The following DAB1 variants were observed in gnomAD, a reference collection of about 807,000 sequenced individuals.
DAB1 encodes DAB adaptor protein 1.
Under a neutral mutation model 64.6 loss-of-function variants are expected in DAB1, and 15 were observed. The ratio of observed to expected loss-of-function variants is 0.23; its 90% CI spans 0.16 to 0.36. DAB1 has a LOEUF of 0.36. DAB1 is among the 10% of genes least tolerant of loss of function. DAB1 has a pLI of 1.00. For missense variants in DAB1, 596 were observed against 706.7 expected, an observed-to-expected ratio of 0.84 and a Z score of 1.78; for synonymous variants, 235 against 251.9, an observed-to-expected ratio of 0.93 and a Z score of 0.64.
At chr1:57,169,345 C>T (rs1256876738) in intron 2 of DAB1, among the ~76,000 whole-genome samples, 2 of 152,142 alleles carry the variant, frequency 1.3e-5, no homozygotes, top group Non-Finnish European at 2.9e-5. Context: ...ATTTTGCAAG[C>T]ATCACCTCAT....
At chr1:58,274,256 T>C (rs1252044133) in intron 4 of DAB1, among the ~76,000 whole-genome samples, 2 of 123,520 alleles carry the variant, frequency 1.6e-5, no homozygotes, top group Non-Finnish European at 3.4e-5. Context: ...TCTGTTGGAA[T>C]ACCCTGCCGT....
At chr1:58,076,593 G>C (rs1240492503) in intron 5 of DAB1, among the ~76,000 whole-genome samples, 1 of 152,190 alleles carries the variant, frequency 6.6e-6, no homozygotes, top group Non-Finnish European at 1.5e-5. Flanking sequence ...AGAGTTAAAA[G>C]ACTTGCCCAA....
rs559594260 is a variant in DAB1, at chr1:57,861,834, T to G, written n.87+22165A>C. ...ATATGTATTAAATATGAAGATATGCTATTGTCATTATTATCTCCTACCAAG... is the reference window on the plus strand; with the variant it reads ...ATATGTATTAAATATGAAGATATGCGATTGTCATTATTATCTCCTACCAAG... On this transcript the variant is annotated intron_variant and non_coding_transcript_variant, in intron 1 of 1. Transcript: ENST00000477280. Among the ~76,000 whole-genome samples, 4 of 150,838 alleles carry G rather than the reference T, an allele frequency of 2.7e-5. No individual in the cohort carries two copies. In the South Asian group the frequency reaches 8.3e-4, roughly 31 times the overall value.
chr1:58,536,664 C>T (rs768919617), intron 1 of DAB1: 1 of 872,746 alleles, frequency 1.1e-6, no homozygotes, highest in Non-Finnish European at 2.0e-6. Flanking sequence ...GAATAGCTTC[C>T]ATTTATTCTT....
chr1:58,519,835 A>T (rs1280675596), intron 2 of DAB1, among the ~76,000 whole-genome samples: 4 of 152,250 alleles, frequency 2.6e-5, no homozygotes, highest in Non-Finnish European at 5.9e-5. Context: ...GAAATTTATA[A>T]AAGAGCATCA....
Position 57,434,267 on chromosome 1 carries a change from T to A in DAB1, n.626-143101A>T, listed in dbSNP as rs113858681. Among the ~76,000 whole-genome samples the A allele has an allele frequency of 5.0e-3, 754 of 152,264 alleles. 9 individuals are homozygous for A. The highest frequency in any genetic ancestry group is 0.017 in the African/African-American group (701 of 41,560). On this transcript the variant is annotated intron_variant and non_coding_transcript_variant, in intron 7 of 20. Coordinates refer to the DAB1 transcript ENST00000485760. ...ACACACAGCACAATGGATACAAAAA[T>A]TGTACAATATTAATACAGTGGAATA...
intron 1 of DAB1, chr1:58,539,359 C>T (rs1412372273): frequency 2.7e-6 from 2 of 728,562 alleles, no homozygotes; most frequent in African/African-American, 1.8e-5. Flanking sequence ...ATTTACTTAC[C>T]AAACTGGGAC....
At chr1:57,888,712 TTG>T (rs1303702590), upstream of DAB1, among the ~76,000 whole-genome samples, 4 of 152,226 alleles carry the variant, frequency 2.6e-5, no homozygotes, top group African/African-American at 9.6e-5. Context: ...AAACCTATCC[TTG>T]TGTTTTATCG....
chr1:58,167,642 C>T (rs1416693753), intron 4 of DAB1, among the ~76,000 whole-genome samples: 1 of 152,216 alleles, frequency 6.6e-6, no homozygotes, highest in African/African-American at 2.4e-5. Flanking sequence ...CTTGCTGCTG[C>T]TCACTCTTTG....
intron 3 of DAB1, among the ~76,000 whole-genome samples, chr1:58,485,813 TAAC>T (rs995276099): frequency 6.6e-6 from 1 of 152,186 alleles, no homozygotes; most frequent in African/African-American, 2.4e-5. Flanking sequence ...AACAGGCACT[TAAC>T]AAACGCATGC....
intron 4 of DAB1, among the ~76,000 whole-genome samples, chr1:58,306,751 G>A (rs556664442): frequency 6.6e-6 from 1 of 152,306 alleles, no homozygotes; most frequent in South Asian, 2.1e-4. Flanking sequence ...AGGATCTCCA[G>A]CAGAATCAGG....
chr1:57,028,325 C>T (rs375991347), intron 9 of DAB1, among the ~76,000 whole-genome samples: 8 of 152,116 alleles, frequency 5.3e-5, no homozygotes, highest in African/African-American at 1.4e-4. Flanking sequence ...TTTTGCCTTC[C>T]GCCATGATAT....
At chr1:57,468,443 G>A (rs977449549) in intron 7 of DAB1, among the ~76,000 whole-genome samples, 7 of 152,250 alleles carry the variant, frequency 4.6e-5, no homozygotes, top group Middle Eastern at 3.4e-3. Flanking sequence ...AAATTCAACA[G>A]ATATGGATTA....
At chr1:57,275,405 A>G (rs553181859) in intron 2 of DAB1, among the ~76,000 whole-genome samples, 10 of 152,230 alleles carry the variant, frequency 6.6e-5, no homozygotes, top group South Asian at 2.1e-4. Context: ...TCTACCAAGA[A>G]TAGGAAAGAT....
chr1:57,250,148 T>C (rs1429682203), intron 2 of DAB1, among the ~76,000 whole-genome samples: 1 of 152,158 alleles, frequency 6.6e-6, no homozygotes, highest in Non-Finnish European at 1.5e-5. Context: ...ACCACAGAAC[T>C]AGTTAGTAGC....
intron 1 of DAB1, among the ~76,000 whole-genome samples, chr1:57,828,779 C>T (rs376039793): frequency 2.6e-5 from 4 of 152,302 alleles, no homozygotes; most frequent in African/African-American, 9.6e-5. Context: ...AACTAATTAA[C>T]TTTCTAATTA....
chr1:58,404,694 T>A (rs927393579), intron 3 of DAB1, among the ~76,000 whole-genome samples: 4 of 152,158 alleles, frequency 2.6e-5, no homozygotes, highest in African/African-American at 9.7e-5. Context: ...ACCCTAAGGA[T>A]CTAGGTTCAA....
chr1:57,653,195 T>TAA (rs1224710179), intron 6 of DAB1, among the ~76,000 whole-genome samples: 1 of 152,148 alleles, frequency 6.6e-6, no homozygotes, highest in African/African-American at 2.4e-5. Flanking sequence ...AAGCAAACCC[T>TAA]CCCATGAATT....
At chr1:57,277,942 A>G (rs1671597937) in intron 2 of DAB1, among the ~76,000 whole-genome samples, 1 of 152,202 alleles carries the variant, frequency 6.6e-6, no homozygotes, top group Non-Finnish European at 1.5e-5. Context: ...CAGTATTGCC[A>G]GCCAGGGAAA....
Sources: allele counts gnomAD v4.1 joint callset (sites outside exome capture counted in the v4.1 genomes callset), GRCh38; gene constraint gnomAD v4.1.1; transcripts MANE v1.5; gene names NCBI Gene and HGNC (gene_info 2026-07-23, HGNC 2026-07-21).